The following TATDN3 variants were observed in gnomAD, a reference collection of about 807,000 sequenced individuals.
TATDN3 encodes the protein TatD DNase domain containing 3, also known as deoxyribonuclease TATDN3.
Under a neutral mutation model 40.1 loss-of-function variants are expected in TATDN3, and 29 were observed. That is an observed-to-expected ratio of 0.72 (90% CI 0.54 to 0.99). TATDN3 has a LOEUF of 0.99. Ranked by LOEUF, TATDN3 falls within the 50% of genes least tolerant of loss-of-function variation. TATDN3 has a pLI of 0.00. For missense variants in TATDN3, 309 were observed against 321.9 expected, an observed-to-expected ratio of 0.96 and a Z score of 0.31; for synonymous variants, 105 against 117.0, an observed-to-expected ratio of 0.90 and a Z score of 0.66.
chr1:212,798,257 C>T (rs928632990), intron 4 of TATDN3, among the ~76,000 whole-genome samples: 5 of 151,596 alleles, frequency 3.3e-5, no homozygotes, highest in Non-Finnish European at 7.4e-5. Context: ...ACCCAGGAGG[C>T]GAAGATTGTA....
intron 7 of TATDN3, among the ~76,000 whole-genome samples, 180 bp from the exon 8 acceptor site, chr1:212,807,556 A>C (rs1182383728): frequency 6.6e-6 from 1 of 151,890 alleles, no homozygotes; most frequent in African/African-American, 2.4e-5. Context: ...CCTGGCCTAA[A>C]ATTTACTATA....
In TATDN3 at chr1:212,792,023, G is replaced by A. The variant is rs754133081; in HGVS notation, c.66+36G>A. ...GCGATACGGGACCAGAGGGAGCAGGGAGGCCCCCGTCCTTTCCCCTCGTGT... is the reference window on the plus strand; with the variant it reads ...GCGATACGGGACCAGAGGGAGCAGGAAGGCCCCCGTCCTTTCCCCTCGTGT... On this transcript the variant is annotated intron_variant, in intron 1 of 9. Transcript: ENST00000366974. The A allele has an allele frequency of 8.7e-6, 14 of 1,604,566 alleles. No homozygotes were observed. The South Asian group carries it at 1.5e-4, about 18-fold the overall frequency.
At chr1:212,793,558 G>A (rs570445181) in intron 1 of TATDN3, among the ~76,000 whole-genome samples, 4 of 152,300 alleles carry the variant, frequency 2.6e-5, no homozygotes, top group Admixed American at 2.6e-4. Context: ...AATGGGTGGA[G>A]GAGAAGAGTG....
At chr1:212,796,765 T>A in intron 3 of TATDN3, 175 bp downstream of exon 3, 1 of 511,008 alleles carries the variant, frequency 2.0e-6, no homozygotes, top group Non-Finnish European at 3.4e-6. Context: ...AGAGATGGAG[T>A]CTTGCTCTGT....
In TATDN3 at chr1:212,812,279, C is replaced by T. The variant is rs762722500; in HGVS notation, c.632C>T (p.Thr211Ile). 1.9e-6 allele frequency: 3 copies of T among 1,582,690 alleles called. No homozygotes were observed. Among genetic ancestry groups the T allele is most frequent in the Non-Finnish European group, 1.7e-6 (2 of 1,170,812 alleles). ...KQKLVKQLPL[T>I]SICLETDSPA... is the part of the protein sequence containing the mutation. The stretch of plus-strand genomic sequence containing the variant: ...AAACTTGTGAAACAATTGCCTTTAA[C>T]TTCTATATGCTTAGAAACAGATTCA... The change falls in exon 9 of 10, where the codon ACT becomes ATT. Residue 211 changes from threonine (T) to isoleucine (I), a missense_variant. Physicochemically the swap from Thr to Ile is moderately conservative, Grantham distance 89. Transcript: ENST00000366974.
At chr1:212,794,360 G>A (rs542687533) in intron 1 of TATDN3, among the ~76,000 whole-genome samples, 32 of 152,248 alleles carry the variant, frequency 2.1e-4, no homozygotes, top group African/African-American at 7.7e-4. Context: ...GGAGGCCAAG[G>A]TGGGTGGGTC....
intron 9 of TATDN3, 97 bp from the exon 10 acceptor site, chr1:212,814,916 G>A (rs1257393974): frequency 4.4e-6 from 6 of 1,378,370 alleles, no homozygotes; most frequent in Non-Finnish European, 5.9e-6. Context: ...GAGCCCATCA[G>A]TTGTTTTTAC....
At position 212,815,102 on chromosome 1, in the gene TATDN3, G is replaced by A. The variant is rs113471065; in HGVS notation, c.771G>A (p.Thr257=). 2.7e-5 allele frequency: 44 copies of A among 1,613,840 alleles called. No individual in the cohort carries two copies. The highest frequency in any genetic ancestry group is 1.6e-4 in the Middle Eastern group (1 of 6,084). Residue 257 remains threonine, a synonymous_variant, in exon 10 of 10, where the codon ACG becomes ACA. Transcript: ENST00000366974. ...CAGTGGAAGAAGTTATAGAAGTGAC[G>A]ACACAGAATGCATTAAAACTGTTTC... is the stretch of plus-strand genomic sequence containing the variant. The part of the protein sequence containing the change: ...GISVEEVIEV[T]TQNALKLFPK...
chr1:212,794,682 C>G (rs1004383896), intron 1 of TATDN3: 1 of 456,666 alleles, frequency 2.2e-6, no homozygotes, highest in Admixed American at 2.4e-5. Context: ...GAGAGAGGAG[C>G]AGATGTTCTT....
At chr1:212,803,879 C>G (rs1329753550) in intron 5 of TATDN3, among the ~76,000 whole-genome samples, 1 of 151,666 alleles carries the variant, frequency 6.6e-6, no homozygotes, top group Non-Finnish European at 1.5e-5. Flanking sequence ...CTACTAAAAA[C>G]ACAAAAATTA....
rs1176201816 is a variant in TATDN3, at chr1:212,791,939, A to C, written c.18A>C (p.Val6=). Residue 6 remains valine (V), a synonymous_variant, in exon 1 of 10, where the codon GTA becomes GTC. Coordinates refer to ENST00000366974, the MANE Select transcript of TATDN3 (RefSeq NM_001042552.3). ...GGGGCGCAATGCGAGCGGCTGGCGT[A>C]GGCTTGGTGGACTGTCACTGCCACC... MRAAG[V]GLVDCHCHLS... The C allele has an allele frequency of 2.5e-6, 4 of 1,613,680 alleles. No individual in the cohort carries two copies. The South Asian group carries it at 4.4e-5, about 18-fold the overall frequency.
chr1:212,795,159 TTTTTA>T, intron 2 of TATDN3, 32 bp downstream of exon 2: 1 of 1,590,190 alleles, frequency 6.3e-7, no homozygotes, highest in Non-Finnish European at 8.6e-7. Context: ...CTCTTTTGGT[TTTTTA>T]TTTTAACTAT....
At chr1:212,806,747 CAT>C (rs71495077) in intron 7 of TATDN3, among the ~76,000 whole-genome samples, 1,698 of 43,930 alleles carry the variant, frequency 0.039, 159 homozygotes, top group African/African-American at 0.11. Flanking sequence ...TCTCTCTCTC[CAT>C]ATATATATAT....
At chr1:212,806,791 C>T (rs1213515037) in intron 7 of TATDN3, among the ~76,000 whole-genome samples, 21 of 108,884 alleles carry the variant, frequency 1.9e-4, no homozygotes, top group African/African-American at 2.7e-4. Flanking sequence ...TATACACACA[C>T]ACACACACAT....
chr1:212,798,536 C>CAAAAACAA (rs1661959391), intron 4 of TATDN3, among the ~76,000 whole-genome samples: 1 of 91,320 alleles, frequency 1.1e-5, no homozygotes, highest in Non-Finnish European at 2.1e-5. Flanking sequence ...CTCAAAAACT[C>CAAAAACAA]AAAAAAAAAA....
intron 1 of TATDN3, among the ~76,000 whole-genome samples, chr1:212,792,439 C>T (rs114835262): frequency 0.023 from 3,381 of 149,978 alleles, 64 homozygotes; most frequent in South Asian, 0.04. Context: ...GAGATCGTGA[C>T]CAGCCTGGGC....
At chr1:212,807,940 C>T in intron 8 of TATDN3, 92 bp downstream of exon 8, 1 of 770,600 alleles carries the variant, frequency 1.3e-6, no homozygotes, top group Non-Finnish European at 2.1e-6. Flanking sequence ...ATTCTAGTTA[C>T]ATTACAAAAA....
In TATDN3 at chr1:212,804,607, C is replaced by CAA; in HGVS notation, c.444_445insAA (p.Arg149AsnfsTer31). ...TTATCGTTAAACAGAAATGTGCACTCACGCTCTGCTGGAAGACCTACCATC... is the reference window on the plus strand; with the variant it reads ...TTATCGTTAAACAGAAATGTGCACTCAAACGCTCTGCTGGAAGACCTACCATC... On this transcript the variant is annotated frameshift_variant, in exon 7 of 10. Coordinates refer to ENST00000366974, the MANE Select transcript of TATDN3 (RefSeq NM_001042552.3). LOFTEE classifies it high-confidence loss of function. 2 of 1,613,670 alleles carry CAA rather than the reference C, an allele frequency of 1.2e-6. No individual in the cohort carries two copies.
At chr1:212,807,691 A>C (rs541788310) in intron 7 of TATDN3, 45 bp from the exon 8 acceptor site, 8 of 1,412,598 alleles carry the variant, frequency 5.7e-6, no homozygotes, top group Admixed American at 2.1e-5. Flanking sequence ...AATTTGATTG[A>C]TGGGACATAA....
Sources: allele counts gnomAD v4.1 joint callset (sites outside exome capture counted in the v4.1 genomes callset), GRCh38; gene constraint gnomAD v4.1.1; transcripts MANE v1.5; gene names NCBI Gene and HGNC (gene_info 2026-07-23, HGNC 2026-07-21).